Variants in PRORP observed in about 807,000 individuals in gnomAD.
PRORP encodes mitochondrial ribonuclease P catalytic subunit.
PRORP carries 51 observed loss-of-function variants against 59.4 expected under a neutral mutation model. The ratio of observed to expected loss-of-function variants is 0.86; its 90% CI spans 0.69 to 1.08. The LOEUF (loss-of-function observed/expected upper bound fraction) is 1.08, where lower values mean the gene tolerates loss of function less well. PRORP is among the 50% of genes least tolerant of loss of function. The pLI, the probability that PRORP is intolerant of heterozygous loss-of-function variation, is 0.00. For missense variants in PRORP, 646 were observed against 690.3 expected (o/e 0.94, Z 0.72); for synonymous variants, 231 against 245.6 (o/e 0.94, Z 0.55).
At chr14:35,266,973 T>C in intron 6 of PRORP, 98 bp downstream of exon 6, 1 of 1,158,216 alleles carries the variant, frequency 8.6e-7, no homozygotes, top group African/African-American at 1.6e-5. Context: ...TGCATGTGTA[T>C]GTGTATACTC....
At chr14:35,144,363 T>C (rs1371574676) in intron 4 of PRORP, 1 of 146,344 alleles carries the variant, frequency 6.8e-6, no homozygotes, top group Non-Finnish European at 1.5e-5. Context: ...GACCTGCAGA[T>C]ATTTTTTTGT....
intron 5 of PRORP, among the ~76,000 whole-genome samples, chr14:35,207,151 A>G (rs1385936190): frequency 2.6e-5 from 4 of 152,170 alleles, no homozygotes; most frequent in Non-Finnish European, 4.4e-5. Flanking sequence ...GTATACTGTC[A>G]GGCCATTTAC....
intron 5 of PRORP, chr14:35,262,619 G>C (rs1339902999): frequency 6.8e-6 from 5 of 739,248 alleles, no homozygotes; most frequent in Non-Finnish European, 1.3e-5. Flanking sequence ...AAGAAAAGAG[G>C]CTCCAGGTTG....
At chr14:35,189,936 C>T (rs1251818774) in intron 5 of PRORP, among the ~76,000 whole-genome samples, 2 of 151,714 alleles carry the variant, frequency 1.3e-5, no homozygotes, top group Non-Finnish European at 2.9e-5. Flanking sequence ...TGCTGAAACC[C>T]TGTCTCTACT....
intron 5 of PRORP, among the ~76,000 whole-genome samples, chr14:35,243,098 G>A (rs1412116631): frequency 6.6e-6 from 1 of 152,130 alleles, no homozygotes; most frequent in African/African-American, 2.4e-5. Context: ...TCAGTGTATT[G>A]CCAAGTACTG....
At chr14:35,193,070 C>T (rs1048954113) in intron 5 of PRORP, among the ~76,000 whole-genome samples, 2 of 151,912 alleles carry the variant, frequency 1.3e-5, no homozygotes, top group Non-Finnish European at 2.9e-5. Context: ...CATACCTACC[C>T]ATAATTCAGT....
chr14:35,238,577 A>G lies in PRORP; in HGVS notation c.1276-28150A>G, dbSNP rs527615395. Among the ~76,000 whole-genome samples, 33 of 152,324 alleles carry G rather than the reference A, an allele frequency of 2.2e-4. No individual in the cohort carries two copies. The Middle Eastern group carries it at 0.01, about 47-fold the overall frequency. On this transcript the variant is annotated intron_variant, in intron 5 of 7. Coordinates refer to ENST00000534898, the MANE Select transcript of PRORP (RefSeq NM_014672.4). ...AAGAGGAAAAGAATGTGCTTAAAGG[A>G]ATGAAAGTCTAGGACTTTGGGAAAA...
intron 5 of PRORP, among the ~76,000 whole-genome samples, chr14:35,238,135 G>C (rs2050267872): frequency 6.6e-6 from 1 of 151,628 alleles, no homozygotes; most frequent in East Asian, 1.9e-4. Flanking sequence ...ATCCTATGAA[G>C]AAATTAGATT....
At chr14:35,242,877 G>A (rs1229095148) in intron 5 of PRORP, among the ~76,000 whole-genome samples, 5 of 152,146 alleles carry the variant, frequency 3.3e-5, no homozygotes, top group African/African-American at 1.2e-4. Flanking sequence ...CCAAAGATTG[G>A]AGCAAATAGC....
chr14:35,223,505 G>A (rs1421955346), intron 5 of PRORP, among the ~76,000 whole-genome samples: 1 of 143,320 alleles, frequency 7.0e-6, no homozygotes, highest in Non-Finnish European at 1.5e-5. Flanking sequence ...TCTCGCCCAG[G>A]CTGGAGTGCA....
intron 5 of PRORP, among the ~76,000 whole-genome samples, chr14:35,209,797 A>G (rs951841790): frequency 1.3e-5 from 2 of 152,112 alleles, no homozygotes; most frequent in Non-Finnish European, 2.9e-5. Flanking sequence ...CGGCCTCCCA[A>G]AGTGCTGGGA....
chr14:35,131,942 T>A (rs1485892661), intron 4 of PRORP, among the ~76,000 whole-genome samples: 1 of 151,334 alleles, frequency 6.6e-6, no homozygotes, highest in Non-Finnish European at 1.5e-5. Context: ...CAGGTTCAAG[T>A]GATTCTCCTG....
At chr14:35,272,038 A>AC (rs1207026827) in intron 7 of PRORP, among the ~76,000 whole-genome samples, 4 of 151,546 alleles carry the variant, frequency 2.6e-5, no homozygotes, top group African/African-American at 9.8e-5. Context: ...AAAAAACAAA[A>AC]AAAAACAACA....
chr14:35,127,052 A>G (rs566823827), intron 3 of PRORP, among the ~76,000 whole-genome samples: 1 of 152,126 alleles, frequency 6.6e-6, no homozygotes, highest in African/African-American at 2.4e-5. Context: ...TTATTTATTT[A>G]TTTAATTCAC....
intron 5 of PRORP, among the ~76,000 whole-genome samples, chr14:35,213,496 A>T (rs554294713): frequency 6.6e-6 from 1 of 152,344 alleles, no homozygotes; most frequent in Non-Finnish European, 1.5e-5. Flanking sequence ...GGTAACTGGC[A>T]CAAAAGGCCT....
intron 4 of PRORP, among the ~76,000 whole-genome samples, chr14:35,131,755 C>T (rs2047245321): frequency 1.3e-5 from 2 of 152,130 alleles, no homozygotes; most frequent in Admixed American, 6.5e-5. Context: ...TCTCGAACTC[C>T]TGACCTCAGG....
At chr14:35,267,785 A>ATT (rs1198058473) in intron 6 of PRORP, among the ~76,000 whole-genome samples, 2 of 152,046 alleles carry the variant, frequency 1.3e-5, no homozygotes. Context: ...CATCTCAAAA[A>ATT]AAAAAGGAGC....
At position 35,164,502 on chromosome 14, in the gene PRORP, G is replaced by A. The variant is rs557495861; in HGVS notation, c.1168-16168G>A. Among the ~76,000 whole-genome samples, 15 of 152,288 alleles carry A rather than the reference G, an allele frequency of 9.8e-5. No individual in the cohort carries two copies. The South Asian group carries it at 1.2e-3, about 13-fold the overall frequency. On this transcript the variant is annotated intron_variant, in intron 4 of 7. Coordinates refer to ENST00000534898, the MANE Select transcript of PRORP (RefSeq NM_014672.4). ...CCTTCACAGCAACATGGATGGAGCC[G>A]GACGCCATAATCCTAAGCAAATTAA...
In PRORP at chr14:35,275,124, T is replaced by C. The variant is rs2051277982; in HGVS notation, c.*1558T>C. On this transcript the variant is annotated 3_prime_UTR_variant, in exon 8 of 8. Coordinates refer to ENST00000534898, the MANE Select transcript of PRORP (RefSeq NM_014672.4). ...TCGGGGTGATGGAAAGTTTCTTATA[T>C]TGATTTGGGTAATAGTAACATAGCT... The C allele has an allele frequency of 6.6e-6, 1 of 152,182 alleles. No individual in the cohort carries two copies. The highest frequency in any genetic ancestry group is 2.4e-5 in the African/African-American group (1 of 41,440). The allele number at this position is 152,182 out of a possible 1,614,324, so 9.4% of individuals were successfully genotyped here.
Sources: allele counts gnomAD v4.1 joint callset (sites outside exome capture counted in the v4.1 genomes callset), GRCh38; gene constraint gnomAD v4.1.1; transcripts MANE v1.5; gene names NCBI Gene and HGNC (gene_info 2026-07-23, HGNC 2026-07-21).